The following KIAA1328 variants were observed in gnomAD, a reference collection of about 807,000 sequenced individuals.
KIAA1328 encodes protein hinderin.
A neutral mutation model predicts 68.1 loss-of-function variants in KIAA1328; 52 were observed. That is an observed-to-expected ratio of 0.76 (90% confidence interval 0.61 to 0.96). The LOEUF (loss-of-function observed/expected upper bound fraction) is 0.96. Ranked by LOEUF, KIAA1328 falls within the 40% of genes least tolerant of loss-of-function variation. The probability of loss-of-function intolerance (pLI) is 0.00; values close to 1 mark genes in which losing one functional copy is unlikely to be tolerated. For synonymous variants in KIAA1328, 232 were observed against 239.4 expected (o/e 0.97, Z 0.28); for missense variants, 641 against 677.6 (o/e 0.95, Z 0.60).
chr18:36,876,205 C>G (rs878947179), intron 4 of KIAA1328, among the ~76,000 whole-genome samples: 7 of 152,106 alleles, frequency 4.6e-5, no homozygotes, highest in African/African-American at 1.7e-4. Flanking sequence ...AGGAGTCCCT[C>G]TTTTTCTATT....
At chr18:37,023,318 G>A (rs1229427299) in intron 6 of KIAA1328, among the ~76,000 whole-genome samples, 1 of 152,138 alleles carries the variant, frequency 6.6e-6, no homozygotes, top group Non-Finnish European at 1.5e-5. Context: ...GGAGTCAAGC[G>A]ATGCTCCCAC....
chr18:36,955,992 T>C (rs1466800188), intron 5 of KIAA1328: 3 of 152,202 alleles, frequency 2.0e-5, no homozygotes, highest in African/African-American at 4.8e-5. Context: ...TAGTATATCC[T>C]ATCTCCGGCC....
intron 6 of KIAA1328, among the ~76,000 whole-genome samples, chr18:37,002,233 T>C (rs369203997): frequency 0.014 from 2,050 of 143,890 alleles, 53 homozygotes; most frequent in African/African-American, 0.05. Context: ...TTTTTCTTTT[T>C]TTTTTTTTTT....
At chr18:37,025,108 T>C (rs145612560) in intron 6 of KIAA1328, among the ~76,000 whole-genome samples, 41 of 152,272 alleles carry the variant, frequency 2.7e-4, no homozygotes, top group African/African-American at 8.9e-4. Context: ...TGGTTTTGAT[T>C]GAATTTCTCT....
At chr18:37,165,394 T>C (rs1436614540) in intron 8 of KIAA1328, among the ~76,000 whole-genome samples, 1 of 151,684 alleles carries the variant, frequency 6.6e-6, no homozygotes, top group African/African-American at 2.4e-5. Context: ...TGAAGGGTTT[T>C]TTTTATTTTT....
intron 3 of KIAA1328, among the ~76,000 whole-genome samples, chr18:36,836,682 T>C (rs1446073863): frequency 6.6e-6 from 1 of 152,148 alleles, no homozygotes; most frequent in East Asian, 1.9e-4. Context: ...ATTATTTTGA[T>C]TTTGTATGTG....
intron 7 of KIAA1328, among the ~76,000 whole-genome samples, chr18:37,070,779 T>C (rs930667976): frequency 6.6e-6 from 1 of 152,070 alleles, no homozygotes; most frequent in African/African-American, 2.4e-5. Context: ...GGTTTTACCA[T>C]GTTGGCCAGG....
intron 7 of KIAA1328, chr18:37,075,625 A>G (rs1200628706): frequency 3.3e-5 from 5 of 152,196 alleles, no homozygotes; most frequent in Non-Finnish European, 5.9e-5. Context: ...TCAAAATAAA[A>G]GGATGGAGGA....
At chr18:36,878,471 G>A (rs1255031721) in intron 4 of KIAA1328, among the ~76,000 whole-genome samples, 2 of 152,112 alleles carry the variant, frequency 1.3e-5, no homozygotes, top group Admixed American at 6.5e-5. Flanking sequence ...CAACCTTGAT[G>A]AATCTGGTGA....
intron 6 of KIAA1328, among the ~76,000 whole-genome samples, chr18:37,020,171 T>C (rs1397459924): frequency 6.6e-6 from 1 of 152,184 alleles, no homozygotes; most frequent in African/African-American, 2.4e-5. Context: ...TTGCCCAGGC[T>C]GGAGTGCAAT....
chr18:36,984,927 A>G (rs2052852835), intron 6 of KIAA1328, among the ~76,000 whole-genome samples: 1 of 134,530 alleles, frequency 7.4e-6, no homozygotes, highest in East Asian at 2.3e-4. Context: ...AAAAAAAAAA[A>G]ATTAAGCAAT....
At chr18:36,848,449 G>A (rs987454421) in intron 4 of KIAA1328, among the ~76,000 whole-genome samples, 14 of 140,394 alleles carry the variant, frequency 1.0e-4, no homozygotes, top group African/African-American at 3.2e-4. Flanking sequence ...TGTTACAGTC[G>A]TTTTTTGGTA....
chr18:37,133,048 AT>A (rs1220913041), intron 7 of KIAA1328, among the ~76,000 whole-genome samples: 2 of 152,198 alleles, frequency 1.3e-5, no homozygotes, highest in Admixed American at 6.5e-5. Flanking sequence ...AAAACTAGCA[AT>A]GGTGGCCAGG....
intron 6 of KIAA1328, among the ~76,000 whole-genome samples, chr18:37,058,211 T>C (rs2055999918): frequency 1.3e-5 from 2 of 152,096 alleles, no homozygotes; most frequent in African/African-American, 4.8e-5. Flanking sequence ...ATTAGCTGTC[T>C]CTCAGAGCAA....
Position 37,116,012 on chromosome 18 carries a change from G to A in KIAA1328, c.1233-44188G>A, listed in dbSNP as rs147333200. 2.6e-3 allele frequency among the ~76,000 whole-genome samples: 391 copies of A among 152,246 alleles called. 3 individuals are homozygous for A. The highest frequency in any genetic ancestry group is 9.0e-3 in the African/African-American group (373 of 41,540). ...ACCACTGCTCAATGAAATAAAAGAG[G>A]ACACAAACAAATGGAAGAACATTCC... On this transcript the variant is annotated intron_variant, in intron 7 of 9. Coordinates refer to ENST00000280020, the MANE Select transcript of KIAA1328 (RefSeq NM_020776.3).
At chr18:37,042,699 G>A (rs562291814) in intron 6 of KIAA1328, among the ~76,000 whole-genome samples, 1 of 152,216 alleles carries the variant, frequency 6.6e-6, no homozygotes, top group South Asian at 2.1e-4. Flanking sequence ...GTTTGACCAG[G>A]ACTTATCTAG....
intron 5 of KIAA1328, among the ~76,000 whole-genome samples, chr18:36,934,563 T>C (rs181539339): frequency 1.8e-4 from 28 of 152,242 alleles, no homozygotes; most frequent in Middle Eastern, 3.4e-3. Context: ...ATGCAGTGTT[T>C]GGTTTTTTGT....
At chr18:36,988,407 T>C (rs1257994135) in intron 6 of KIAA1328, among the ~76,000 whole-genome samples, 1 of 152,196 alleles carries the variant, frequency 6.6e-6, no homozygotes, top group Non-Finnish European at 1.5e-5. Context: ...AATAAATTAT[T>C]ACCATCCAGA....
At chr18:36,837,409 A>G (rs987643714) in intron 3 of KIAA1328, among the ~76,000 whole-genome samples, 1 of 152,174 alleles carries the variant, frequency 6.6e-6, no homozygotes, top group Non-Finnish European at 1.5e-5. Flanking sequence ...ACAAATATCT[A>G]GTCATATCCT....
Sources: gnomAD v4.1 joint callset for allele counts (sites outside exome capture counted in the v4.1 genomes callset) on GRCh38, gnomAD v4.1.1 for gene constraint, MANE v1.5 for transcripts, NCBI Gene and HGNC (gene_info 2026-07-23, HGNC 2026-07-21) for gene names.